Variants in PDHA1 observed in about 807,000 individuals in gnomAD.
PDHA1 encodes pyruvate dehydrogenase E1 component subunit alpha, somatic form, mitochondrial.
A neutral mutation model predicts 33.0 loss-of-function variants in PDHA1; 1 was observed. The ratio of observed to expected loss-of-function variants is 0.03; its 90% CI spans 0.01 to 0.14. The LOEUF (loss-of-function observed/expected upper bound fraction) is 0.14. Among genes scored for constraint, PDHA1 ranks in the 10% least tolerant of loss-of-function variants. PDHA1 has a pLI of 1.00. For missense variants in PDHA1, 168 were observed against 325.1 expected, an observed-to-expected ratio of 0.52 and a Z score of 3.72; for synonymous variants, 123 against 119.2, an observed-to-expected ratio of 1.03 and a Z score of -0.21.
At chrX:19,346,664 C>T in intron 1 of PDHA1, 1 of 896,302 alleles carries the variant, frequency 1.1e-6, no homozygotes, top group Non-Finnish European at 1.4e-6. Flanking sequence ...GCCATTGTCT[C>T]ATCAAAGAGT....
intron 4 of PDHA1, 61 bp from the exon 5 acceptor site, chrX:19,353,021 G>C: frequency 2.2e-6 from 2 of 922,792 alleles, no homozygotes; most frequent in Non-Finnish European, 3.2e-6. Context: ...TTTGGGGTGC[G>C]GTTTGGTTTG....
At position 19,354,369 on chromosome X, in the gene PDHA1, A is replaced by T. The variant is rs2063181961; in HGVS notation, c.511-122A>T. The T allele has an allele frequency of 7.4e-6, 4 of 541,320 alleles. No individual in the cohort carries two copies. In the South Asian group the frequency reaches 9.6e-5, roughly 13 times the overall value. 44.6% of individuals were successfully genotyped at this position (541,320 alleles called of 1,213,427 possible). A position where few individuals can be genotyped will look rare whatever the true frequency, so the allele number is the denominator to read the frequency against. ...AACAGAGAGATAGGGTTGGAAGGAGAGTTTGTAGCAGCAGTGTAATTTCTG... is the reference window on the plus strand; with the variant it reads ...AACAGAGAGATAGGGTTGGAAGGAGTGTTTGTAGCAGCAGTGTAATTTCTG... On this transcript the variant is annotated intron_variant, in intron 5 of 10. Transcript: ENST00000422285.
chrX:19,360,918 T>A lies in PDHA1; in HGVS notation c.*1265T>A, dbSNP rs936565582. 91 of 729,107 alleles carry A rather than the reference T, an allele frequency of 1.2e-4. No homozygotes were observed. Among genetic ancestry groups the A allele is most frequent in the Non-Finnish European group, 1.7e-4 (85 of 491,558 alleles). 60.1% of individuals were successfully genotyped at this position (729,107 alleles called of 1,213,427 possible). A position where few individuals can be genotyped will look rare whatever the true frequency, so the allele number is the denominator to read the frequency against. On this transcript the variant is annotated 3_prime_UTR_variant, in exon 11 of 11. Coordinates refer to ENST00000422285, the MANE Select transcript of PDHA1 (RefSeq NM_000284.4). ...TGCAGTCCCTAATTTAAAAACCTAATGAAAATAAAAACATTCTCCTCACAT... is the reference window on the plus strand; with the variant it reads ...TGCAGTCCCTAATTTAAAAACCTAAAGAAAATAAAAACATTCTCCTCACAT...
intron 1 of PDHA1, among the ~76,000 whole-genome samples, chrX:19,345,582 A>T (rs1602221082): frequency 9.7e-6 from 1 of 103,625 alleles, no homozygotes; most frequent in African/African-American, 3.5e-5. Flanking sequence ...TAAAAAAAAA[A>T]AAAAAAAAAA....
Position 19,361,177 on chromosome X carries a change from T to G in PDHA1, c.*1524T>G. The G allele has an allele frequency of 2.2e-6, 1 of 449,457 alleles. No homozygotes were observed. The allele number at this position is 449,457 out of a possible 1,213,427, so 37.0% of individuals were successfully genotyped here. A position where few individuals can be genotyped will look rare whatever the true frequency, so the allele number is the denominator to read the frequency against. Reference sequence around the variant, plus strand: ...CTGTCACATTCCTATTTCTGACTTCTGCCTGGCTTTCAGTTTCTGCCCCAC... The same window carrying G: ...CTGTCACATTCCTATTTCTGACTTCGGCCTGGCTTTCAGTTTCTGCCCCAC... On this transcript the variant is annotated 3_prime_UTR_variant, in exon 11 of 11. Coordinates refer to ENST00000422285, the MANE Select transcript of PDHA1 (RefSeq NM_000284.4).
Position 19,361,087 on chromosome X carries a change from G to C in PDHA1, c.*1434G>C. On this transcript the variant is annotated 3_prime_UTR_variant, in exon 11 of 11. Coordinates refer to ENST00000422285, the MANE Select transcript of PDHA1 (RefSeq NM_000284.4). ...GGGGGTGGGTCCAGCGTGCAGGCAC[G>C]CTTGCCATGTGCCTCCACCCACTCC... The C allele has an allele frequency of 2.4e-6, 1 of 419,433 alleles. No homozygotes were observed. Among genetic ancestry groups the C allele is most frequent in the Non-Finnish European group, 4.1e-6 (1 of 243,275 alleles). The allele number at this position is 419,433 out of a possible 1,213,427, so 34.6% of individuals were successfully genotyped here. A position where few individuals can be genotyped will look rare whatever the true frequency, so the allele number is the denominator to read the frequency against.
At chrX:19,345,462 C>G (rs1410490048) in intron 1 of PDHA1, among the ~76,000 whole-genome samples, 2 of 105,117 alleles carry the variant, frequency 1.9e-5, no homozygotes, top group Non-Finnish European at 3.9e-5. Context: ...CCCAGCTACT[C>G]GGGAGGCTGA....
At position 19,349,384 on chromosome X, in the gene PDHA1, T is replaced by C; in HGVS notation, c.117+13T>C. 9.5e-7 allele frequency: 1 copy of C among 1,054,433 alleles called. No individual in the cohort carries two copies. The highest frequency in any genetic ancestry group is 1.3e-6 in the Non-Finnish European group (1 of 752,468). 86.9% of individuals were successfully genotyped at this position (1,054,433 alleles called of 1,213,427 possible). A position where few individuals can be genotyped will look rare whatever the true frequency, so the allele number is the denominator to read the frequency against. Reference sequence around the variant, plus strand: ...ATTTGAAATTAAGGTAAGAGGTGTTTTACTTTGTTAATAATTTTTTCACAG... The same window carrying C: ...ATTTGAAATTAAGGTAAGAGGTGTTCTACTTTGTTAATAATTTTTTCACAG... On this transcript the variant is annotated intron_variant, in intron 2 of 10. Coordinates refer to ENST00000422285, the MANE Select transcript of PDHA1 (RefSeq NM_000284.4).
intron 10 of PDHA1, among the ~76,000 whole-genome samples, 192 bp downstream of exon 10, chrX:19,359,216 T>C (rs866669979): frequency 9.0e-6 from 1 of 111,354 alleles, no homozygotes; most frequent in African/African-American, 3.3e-5. Context: ...TGTATTACTC[T>C]TCAGATTTCA....
intron 10 of PDHA1, 28 bp from the exon 11 acceptor site, chrX:19,359,461 A>G: frequency 8.4e-7 from 1 of 1,186,078 alleles, no homozygotes; most frequent in Non-Finnish European, 1.1e-6. Context: ...TCATTCTAAA[A>G]CCTTTTACAC....
chrX:19,350,943 G>C (rs1441997845), intron 3 of PDHA1, among the ~76,000 whole-genome samples: 1 of 111,833 alleles, frequency 8.9e-6, no homozygotes, highest in Non-Finnish European at 1.9e-5. Context: ...GTGCCATGTG[G>C]AAATCAGGGG....
intron 8 of PDHA1, 176 bp from the exon 9 acceptor site, chrX:19,357,476 C>T: frequency 5.7e-6 from 3 of 523,795 alleles, no homozygotes; most frequent in Non-Finnish European, 1.0e-5. Context: ...GCAATCAATA[C>T]TTGCTAGAAA....
In PDHA1 at chrX:19,344,053, G is replaced by A. The variant is rs768396832; in HGVS notation, c.16G>A (p.Ala6Thr). 2.2e-5 allele frequency: 26 copies of A among 1,206,890 alleles called. No homozygotes were observed. Among genetic ancestry groups the A allele is most frequent in the Admixed American group, 2.0e-4 (9 of 45,940 alleles). ...CCTGTGCTTCATGAGGAAGATGCTC[G>A]CCGCCGTCTCCCGCGTGCTGTCTGG... MRKML[A>T]AVSRVLSGAS... The change falls in exon 1 of 11, where the codon GCC (alanine) becomes ACC (threonine). Residue 6 changes from alanine to threonine, a missense_variant. Physicochemically the swap from Ala to Thr is moderately conservative, Grantham distance 58. Coordinates refer to ENST00000422285, the MANE Select transcript of PDHA1 (RefSeq NM_000284.4).
chrX:19,351,189 A>T (rs960962559), intron 3 of PDHA1, 92 bp from the exon 4 acceptor site: 6 of 888,399 alleles, frequency 6.8e-6, no homozygotes, highest in Non-Finnish European at 9.9e-6. Flanking sequence ...GACAGGTTCT[A>T]CTAGCCCACA....
At chrX:19,352,603 A>G (rs1337793710) in intron 4 of PDHA1, among the ~76,000 whole-genome samples, 1 of 112,573 alleles carries the variant, frequency 8.9e-6, no homozygotes, top group Non-Finnish European at 1.9e-5. Flanking sequence ...ACCCTCGAGT[A>G]TACAAAAATC....
At chrX:19,345,049 G>A (rs926169782) in intron 1 of PDHA1, among the ~76,000 whole-genome samples, 6 of 111,072 alleles carry the variant, frequency 5.4e-5, no homozygotes, top group African/African-American at 2.0e-4. Context: ...TGCTTGAGGG[G>A]TGGGGGGTAG....
In PDHA1 at chrX:19,361,565, G is replaced by A. The variant is rs372102191; in HGVS notation, c.*1912G>A. ...TAAGCTCTTTATCTGTTCTCTGCCC[G>A]TAGGGGCCTGCTGGGTTCTCTGTAA... On this transcript the variant is annotated 3_prime_UTR_variant, in exon 11 of 11. Transcript: ENST00000422285. 6 of 1,207,618 alleles carry A rather than the reference G, an allele frequency of 5.0e-6. No homozygotes were observed. The highest frequency in any genetic ancestry group is 3.5e-5 in the African/African-American group (2 of 57,342).
In PDHA1 at chrX:19,359,680, T is replaced by A. The variant is rs1249101511; in HGVS notation, c.*27T>A. On this transcript the variant is annotated 3_prime_UTR_variant, in exon 11 of 11. Coordinates refer to ENST00000422285, the MANE Select transcript of PDHA1 (RefSeq NM_000284.4). ...GGGAGGAGAAGGAGAGGTTATACCT[T>A]CAGGGGGCTACCAGACAGTGTTCTC... 1 of 1,162,262 alleles carries A rather than the reference T, an allele frequency of 8.6e-7. No individual in the cohort carries two copies. The highest frequency in any genetic ancestry group is 2.2e-5 in the Admixed American group (1 of 45,877).
chrX:19,345,576 A>ATT (rs1569188741), intron 1 of PDHA1, among the ~76,000 whole-genome samples: 3 of 98,512 alleles, frequency 3.0e-5, no homozygotes, highest in African/African-American at 7.3e-5. Flanking sequence ...GTATTTTAAA[A>ATT]AAAAAAAAAA....
Sources: allele counts gnomAD v4.1 joint callset (sites outside exome capture counted in the v4.1 genomes callset), GRCh38; gene constraint gnomAD v4.1.1; transcripts MANE v1.5; gene names NCBI Gene and HGNC (gene_info 2026-07-23, HGNC 2026-07-21).